Variants in CCNG2 observed in about 807,000 individuals in gnomAD.
CCNG2 encodes the protein cyclin-G2.
In CCNG2, 20 loss-of-function variants were observed where a neutral mutation model predicts 36.5. The observed-to-expected ratio is 0.55, with a 90% confidence interval of 0.39 to 0.80. The LOEUF (loss-of-function observed/expected upper bound fraction) is 0.80. Among genes scored for constraint, CCNG2 ranks in the 30% least tolerant of loss-of-function variants. The pLI, the probability that CCNG2 is intolerant of heterozygous loss-of-function variation, is 0.00. For missense variants in CCNG2, 358 were observed against 390.8 expected (o/e 0.92, Z 0.71); for synonymous variants, 155 against 140.1 (o/e 1.11, Z -0.75).
chr4:77,160,541 G>T (rs1297567933), intron 3 of CCNG2, among the ~76,000 whole-genome samples, 180 bp from the exon 4 acceptor site: 1 of 149,022 alleles, frequency 6.7e-6, no homozygotes, highest in Non-Finnish European at 1.5e-5. Context: ...TGGGGGGGGG[G>T]GGAGGTCGAG....
At chr4:77,158,852 A>T (rs1435908311) in intron 2 of CCNG2, among the ~76,000 whole-genome samples, 182 bp downstream of exon 2, 3 of 152,132 alleles carry the variant, frequency 2.0e-5, no homozygotes, top group Non-Finnish European at 4.4e-5. Context: ...AATGAGAGTG[A>T]TACTTTAGAG....
intron 4 of CCNG2, 129 bp from the exon 5 acceptor site, chr4:77,161,351 T>C (rs1731430924): frequency 3.0e-6 from 2 of 668,762 alleles, no homozygotes; most frequent in African/African-American, 1.8e-5. Flanking sequence ...ATCCACCTGC[T>C]TCTGCCTTCC....
chr4:77,160,282 T>G (rs890003732), intron 3 of CCNG2, among the ~76,000 whole-genome samples: 1 of 151,296 alleles, frequency 6.6e-6, no homozygotes, highest in Non-Finnish European at 1.5e-5. Context: ...ACTTTAGTGC[T>G]AGGAATCTAG....
At chr4:77,159,272 C>A in intron 2 of CCNG2, 95 bp from the exon 3 acceptor site, 1 of 1,201,428 alleles carries the variant, frequency 8.3e-7, no homozygotes, top group Non-Finnish European at 1.2e-6. Context: ...TAACCTTATT[C>A]TTGGGAAAAA....
At chr4:77,161,943 C>T (rs544409748) in intron 6 of CCNG2, among the ~76,000 whole-genome samples, 196 bp downstream of exon 6, 2 of 152,300 alleles carry the variant, frequency 1.3e-5, no homozygotes, top group African/African-American at 4.8e-5. Flanking sequence ...AACCTGGTCA[C>T]TTAGCTCAGC....
chr4:77,163,852 C>G (rs1342817236), intron 6 of CCNG2, among the ~76,000 whole-genome samples: 1 of 152,112 alleles, frequency 6.6e-6, no homozygotes, highest in African/African-American at 2.4e-5. Context: ...TTGCAGGAAC[C>G]CAAATTGGTT....
At chr4:77,161,612 T>A (rs1440862681) in intron 5 of CCNG2, 37 bp from the exon 6 acceptor site, 1 of 1,567,994 alleles carries the variant, frequency 6.4e-7, no homozygotes, top group Non-Finnish European at 8.6e-7. Context: ...TTTGAATTTT[T>A]AAAAAATATT....
rs368201582 is a variant in CCNG2, at chr4:77,160,987, G to A, written c.527+16G>A. The A allele has an allele frequency of 1.4e-5, 22 of 1,570,520 alleles. No homozygotes were observed. The African/African-American group carries it at 3.0e-4, about 21-fold the overall frequency. Reference sequence around the variant, plus strand: ...CTTCAGAAAGGTCAGTGGGATTAAAGATACATTTTGTACTTTGAACATTGC... The same window carrying A: ...CTTCAGAAAGGTCAGTGGGATTAAAAATACATTTTGTACTTTGAACATTGC... On this transcript the variant is annotated intron_variant, in intron 4 of 7. Transcript: ENST00000316355.
intron 6 of CCNG2, among the ~76,000 whole-genome samples, chr4:77,162,294 A>C (rs1731460323): frequency 6.6e-6 from 1 of 152,100 alleles, no homozygotes; most frequent in South Asian, 2.1e-4. Context: ...GGAAATGAGG[A>C]ACTTAACATG....
intron 2 of CCNG2, among the ~76,000 whole-genome samples, chr4:77,158,953 G>C (rs920037196): frequency 1.3e-5 from 2 of 152,220 alleles, no homozygotes; most frequent in Admixed American, 1.3e-4. Context: ...GAGACCCCGG[G>C]TGAATTGAGT....
chr4:77,162,664 G>C (rs996774470), intron 6 of CCNG2, among the ~76,000 whole-genome samples: 1 of 152,064 alleles, frequency 6.6e-6, no homozygotes, highest in Non-Finnish European at 1.5e-5. Flanking sequence ...GATTACAGGC[G>C]TGAGCCACTG....
chr4:77,165,557 T>C (rs997453458), intron 7 of CCNG2, among the ~76,000 whole-genome samples: 8 of 152,046 alleles, frequency 5.3e-5, no homozygotes, highest in African/African-American at 1.9e-4. Context: ...TCTGCACACT[T>C]CGGCCTCCCA....
chr4:77,169,517 A>C lies in CCNG2; in HGVS notation c.*3593A>C, dbSNP rs949735864. The C allele has an allele frequency of 6.6e-6, 1 of 152,150 alleles. No homozygotes were observed. The highest frequency in any genetic ancestry group is 2.1e-4 in the South Asian group (1 of 4,824). The allele number at this position is 152,150 out of a possible 1,614,324, so 9.4% of individuals were successfully genotyped here. A position where few individuals can be genotyped will look rare whatever the true frequency, so the allele number is the denominator to read the frequency against. On this transcript the variant is annotated 3_prime_UTR_variant, in exon 8 of 8. Coordinates refer to ENST00000316355, the MANE Select transcript of CCNG2 (RefSeq NM_004354.3). ...CCACAAGTGGAGTCTGTTTCTCTTG[A>C]GTTTTGGCTGGCCTTATGAATGGCT...
intron 6 of CCNG2, among the ~76,000 whole-genome samples, chr4:77,163,748 T>TC (rs1731548722): frequency 6.6e-6 from 1 of 152,208 alleles, no homozygotes; most frequent in Non-Finnish European, 1.5e-5. Flanking sequence ...CTATGTCCTT[T>TC]TTGGGAAATT....
Position 77,159,354 on chromosome 4 carries a change from G to T in CCNG2, c.139-13G>T, listed in dbSNP as rs755703536. The T allele has an allele frequency of 6.3e-6, 10 of 1,598,834 alleles. No individual in the cohort carries two copies. The East Asian group carries it at 2.2e-4, about 36-fold the overall frequency. On this transcript the variant is annotated splice_polypyrimidine_tract_variant and intron_variant, in intron 2 of 7. Transcript: ENST00000316355. ...AGAAAATTGTAAACCTTGGTTCTTG[G>T]TTTTTATTGCAGAATGATAACACTT...
rs533564969 is a variant in CCNG2, at chr4:77,158,616, A to G, written c.84A>G (p.Glu28=). 9 of 1,614,188 alleles carry G rather than the reference A, an allele frequency of 5.6e-6. No individual in the cohort carries two copies. The African/African-American group carries it at 9.3e-5, about 17-fold the overall frequency. Residue 28 remains glutamate, a synonymous_variant, in exon 2 of 8, where the codon GAA becomes GAG. Transcript: ENST00000316355. The stretch of plus-strand genomic sequence containing the variant: ...TGTTGAACGTCTACCTGGAACAAGA[A>G]GAGAGATTCCAACCTCGAGAAAAAG... ...LGLLNVYLEQ[E]ERFQPREKGL...
At chr4:77,164,909 A>AC (rs575784402) in intron 7 of CCNG2, 385 of 152,846 alleles carry the variant, frequency 2.5e-3, no homozygotes, top group Non-Finnish European at 4.4e-3. Flanking sequence ...CAGCTAAAAA[A>AC]CCCCAAAAAA....
At chr4:77,157,738 C>T (rs977341168) in intron 1 of CCNG2, among the ~76,000 whole-genome samples, 49 of 152,080 alleles carry the variant, frequency 3.2e-4, no homozygotes, top group African/African-American at 1.1e-3. Flanking sequence ...CAGTCTCCGC[C>T]TCGGTGCCCC....
Position 77,165,867 on chromosome 4 carries a change from A to G in CCNG2, c.978A>G (p.Gln326=), listed in dbSNP as rs774483140. 6.2e-6 allele frequency: 10 copies of G among 1,612,086 alleles called. No homozygotes were observed. The South Asian group carries it at 9.9e-5, about 16-fold the overall frequency. ...TCAGCAGCTCTCCTCCCAGTGATCA[A>G]GAGTGCACCTTCTTTTTCAACTTCA... ...ESLSSSPPSD[Q]ECTFFFNFKV... Residue 326 remains glutamine (Q), a synonymous_variant, in exon 8 of 8, where the codon CAA becomes CAG. Transcript: ENST00000316355.
Sources: allele counts gnomAD v4.1 joint callset (sites outside exome capture counted in the v4.1 genomes callset), GRCh38; gene constraint gnomAD v4.1.1; transcripts MANE v1.5; gene names NCBI Gene and HGNC (gene_info 2026-07-23, HGNC 2026-07-21).